PHF2: variants seen among roughly 807,000 people sequenced by gnomAD.
The protein encoded by PHF2 is lysine-specific demethylase PHF2.
In PHF2, 27 loss-of-function variants were observed where a neutral mutation model predicts 120.5. The ratio of observed to expected loss-of-function variants is 0.22; its 90% CI spans 0.17 to 0.31. The LOEUF (loss-of-function observed/expected upper bound fraction) is 0.31. PHF2 is among the 10% of genes least tolerant of loss of function. PHF2 has a pLI of 1.00. For missense variants in PHF2, 1,024 were observed against 1,434.8 expected (o/e 0.71, Z 4.63); for synonymous variants, 568 against 592.5 (o/e 0.96, Z 0.60).
At position 93,645,679 on chromosome 9, in the gene PHF2, A is replaced by T. The variant is rs1826245153; in HGVS notation, c.350A>T (p.Tyr117Phe). The T allele has an allele frequency of 6.2e-7, 1 of 1,612,844 alleles. No individual in the cohort carries two copies. Among genetic ancestry groups the T allele is most frequent in the Admixed American group, 1.7e-5 (1 of 59,960 alleles). The change falls in exon 4 of 22, where the codon TAC becomes TTC. Residue 117 changes from tyrosine (Y) to phenylalanine (F), a missense_variant. Coordinates refer to ENST00000359246, the MANE Select transcript of PHF2 (RefSeq NM_005392.4). Reference sequence around the variant, plus strand: ...CCAGGAAGTCAGCTCACGCTGGGCTACATGGAGGAGCACGGCTTCACCGAG... The same window carrying T: ...CCAGGAAGTCAGCTCACGCTGGGCTTCATGGAGGAGCACGGCTTCACCGAG... Reference protein sequence around the residue: ...RVPGSQLTLGYMEEHGFTEPI... With the variant: ...RVPGSQLTLGFMEEHGFTEPI...
intron 17 of PHF2, among the ~76,000 whole-genome samples, chr9:93,673,139 G>A (rs536716935): frequency 6.6e-6 from 1 of 152,058 alleles, no homozygotes; most frequent in East Asian, 1.9e-4. Context: ...GTGGGGTAAG[G>A]AATGCCCAGG....
rs1825787314 is a variant in PHF2 at position 93,619,418 on chromosome 9, C to A, written c.99-10552C>A. On this transcript the variant is annotated intron_variant, in intron 1 of 21. Coordinates refer to ENST00000359246, the MANE Select transcript of PHF2 (RefSeq NM_005392.4). ...TGGGCTGGCACTTTGCTCCGCTGAC[C>A]TTGCCTGTACGAGGCTGAGCATTCC... 2.6e-5 allele frequency among the ~76,000 whole-genome samples: 4 copies of A among 152,332 alleles called. No individual in the cohort carries two copies. The South Asian group carries it at 8.3e-4, about 32-fold the overall frequency.
At chr9:93,649,602 A>G (rs1232869420) in intron 5 of PHF2, among the ~76,000 whole-genome samples, 3 of 151,880 alleles carry the variant, frequency 2.0e-5, no homozygotes. Context: ...AGACACATCT[A>G]TGACACACCC....
At chr9:93,640,065 G>T (rs1826151369) in intron 3 of PHF2, among the ~76,000 whole-genome samples, 1 of 152,014 alleles carries the variant, frequency 6.6e-6, no homozygotes, top group African/African-American at 2.4e-5. Context: ...GCATTTCATT[G>T]TCATGCTGGA....
At chr9:93,598,636 C>T (rs913010607) in intron 1 of PHF2, among the ~76,000 whole-genome samples, 5 of 152,058 alleles carry the variant, frequency 3.3e-5, no homozygotes, top group African/African-American at 9.7e-5. Context: ...AGTATCAGGG[C>T]GGGGGTTCAC....
chr9:93,631,776 T>A (rs1345061990), intron 2 of PHF2, among the ~76,000 whole-genome samples: 1 of 147,662 alleles, frequency 6.8e-6, no homozygotes, highest in Non-Finnish European at 1.5e-5. Flanking sequence ...TCCTGGGGGG[T>A]AGGACCCTCT....
At chr9:93,605,291 C>T (rs1448784367) in intron 1 of PHF2, among the ~76,000 whole-genome samples, 4 of 152,168 alleles carry the variant, frequency 2.6e-5, no homozygotes, top group African/African-American at 9.7e-5. Context: ...GATTAGAGCT[C>T]ACTGTAACCT....
rs957412179 is a variant in PHF2 at position 93,671,187 on chromosome 9, C to T, written c.2349-2398C>T. On this transcript the variant is annotated intron_variant, in intron 17 of 21. Coordinates refer to ENST00000359246, the MANE Select transcript of PHF2 (RefSeq NM_005392.4). ...GTGGGAGTAGGTACAGGTGTAGATG[C>T]AGCTGTGGGTGTGGGAGTAGGCACA... The T allele has an allele frequency of 5.5e-5, 54 of 978,190 alleles. 2 individuals are homozygous for T. The highest frequency in any genetic ancestry group is 6.3e-5 in the Non-Finnish European group (52 of 824,542). The allele number at this position is 978,190 out of a possible 1,614,324, so 60.6% of individuals were successfully genotyped here. A position where few individuals can be genotyped will look rare whatever the true frequency, so the allele number is the denominator to read the frequency against.
chr9:93,588,482 G>C (rs760930338), intron 1 of PHF2, among the ~76,000 whole-genome samples: 2 of 152,176 alleles, frequency 1.3e-5, no homozygotes, highest in Non-Finnish European at 2.9e-5. Flanking sequence ...AGAGGGCATA[G>C]ACCTGGAGGG....
intron 3 of PHF2, among the ~76,000 whole-genome samples, chr9:93,645,142 T>C (rs1193294974): frequency 6.6e-6 from 1 of 152,234 alleles, no homozygotes; most frequent in African/African-American, 2.4e-5. Context: ...GTCCAAGGTC[T>C]TCCCAATATC....
chr9:93,671,472 A>G (rs28530486), intron 17 of PHF2, among the ~76,000 whole-genome samples: 6 of 99,422 alleles, frequency 6.0e-5, no homozygotes, highest in Middle Eastern at 7.4e-3. Flanking sequence ...GTAGATGCAG[A>G]TGTGGGTGTG....
In PHF2 at chr9:93,656,674, G is replaced by C. The variant is rs1414254260; in HGVS notation, c.1147+79G>C. On this transcript the variant is annotated intron_variant, in intron 9 of 21. Coordinates refer to ENST00000359246, the MANE Select transcript of PHF2 (RefSeq NM_005392.4). The surrounding 1 kb of genome is among the most constrained non-coding windows in gnomAD (Gnocchi z 4.1). Reference sequence around the variant, plus strand: ...CAGCCAGACCTGGTCAGGGCTGACTGTCTGGGTGTGAGTGCCGCCTTCCTG... The same window carrying C: ...CAGCCAGACCTGGTCAGGGCTGACTCTCTGGGTGTGAGTGCCGCCTTCCTG... The C allele has an allele frequency of 1.0e-6, 1 of 972,546 alleles. No individual in the cohort carries two copies. The highest frequency in any genetic ancestry group is 1.4e-5 in the South Asian group (1 of 73,372). The allele number at this position is 972,546 out of a possible 1,614,324, so 60.2% of individuals were successfully genotyped here. A position where few individuals can be genotyped will look rare whatever the true frequency, so the allele number is the denominator to read the frequency against.
At chr9:93,582,256 T>C (rs1862945495) in intron 1 of PHF2, among the ~76,000 whole-genome samples, 1 of 152,204 alleles carries the variant, frequency 6.6e-6, no homozygotes, top group Admixed American at 6.5e-5. Context: ...GGCACCTGGC[T>C]TAGGTTATTC....
intron 3 of PHF2, among the ~76,000 whole-genome samples, chr9:93,643,730 G>A (rs1826207394): frequency 6.6e-6 from 1 of 152,018 alleles, no homozygotes; most frequent in African/African-American, 2.4e-5. Context: ...CTATCCAACT[G>A]GCACATCCCT....
chr9:93,599,352 T>C (rs573042176), intron 1 of PHF2, among the ~76,000 whole-genome samples: 1 of 152,142 alleles, frequency 6.6e-6, no homozygotes, highest in African/African-American at 2.4e-5. Flanking sequence ...TGCCACCACG[T>C]TGTGGGCTGC....
intron 1 of PHF2, among the ~76,000 whole-genome samples, chr9:93,618,492 A>G (rs1825763046): frequency 6.6e-6 from 1 of 152,280 alleles, no homozygotes; most frequent in Non-Finnish European, 1.5e-5. Context: ...ACATGGGTGC[A>G]CATACATGCA....
chr9:93,618,982 T>C (rs1302472245), intron 1 of PHF2, among the ~76,000 whole-genome samples: 1 of 83,658 alleles, frequency 1.2e-5, no homozygotes, highest in Non-Finnish European at 2.6e-5. Context: ...GCTTGTTCAC[T>C]TCCCTGTGGG....
At chr9:93,579,250 C>G (rs80067224) in intron 1 of PHF2, among the ~76,000 whole-genome samples, 6 of 152,274 alleles carry the variant, frequency 3.9e-5, no homozygotes, top group Admixed American at 3.9e-4. Context: ...ATCTTCGTAC[C>G]GCCTGTACTG....
Position 93,653,463 on chromosome 9 carries a change from G to A in PHF2, c.789+98G>A, listed in dbSNP as rs1410288155. On this transcript the variant is annotated intron_variant, in intron 6 of 21. Transcript: ENST00000359246. Reference sequence around the variant, plus strand: ...CACAAGCCCTGATTGGCCAGGATGCGACTCCCCAGAGGGCCCCTGGACTGT... The same window carrying A: ...CACAAGCCCTGATTGGCCAGGATGCAACTCCCCAGAGGGCCCCTGGACTGT... 11 of 1,283,080 alleles carry A rather than the reference G, an allele frequency of 8.6e-6. No individual in the cohort carries two copies. The South Asian group carries it at 1.1e-4, about 12-fold the overall frequency. The allele number at this position is 1,283,080 out of a possible 1,614,324, so 79.5% of individuals were successfully genotyped here.
Sources: allele counts gnomAD v4.1 joint callset (sites outside exome capture counted in the v4.1 genomes callset), GRCh38; gene constraint gnomAD v4.1.1; non-coding constraint Gnocchi (gnomAD v3.1); transcripts MANE v1.5; gene names NCBI Gene and HGNC (gene_info 2026-07-23, HGNC 2026-07-21).